The following PCDH15 variants were observed in gnomAD, a reference collection of about 807,000 sequenced individuals.
PCDH15 encodes protocadherin-15.
PCDH15 carries 129 observed loss-of-function variants against 178.5 expected under a neutral mutation model. The ratio of observed to expected loss-of-function variants is 0.72; its 90% CI spans 0.63 to 0.84. PCDH15 has a LOEUF of 0.84. Among genes scored for constraint, PCDH15 ranks in the 40% least tolerant of loss-of-function variants. The pLI, the probability that PCDH15 is intolerant of heterozygous loss-of-function variation, is 0.00. For synonymous variants in PCDH15, 800 were observed against 732.0 expected, an observed-to-expected ratio of 1.09 and a Z score of -1.50; for missense variants, 2,230 against 2,099.9, an observed-to-expected ratio of 1.06 and a Z score of -1.21.
At position 54,277,174 on chromosome 10, in the gene PCDH15, T is replaced by C. The variant is rs111541809; in HGVS notation, c.876+40097A>G. ...AGTGGAAGATTTAAGTTAAATAACC[T>C]TCAGGAAAAAAGGCCTTAAACTGTT... On this transcript the variant is annotated intron_variant, in intron 8 of 37. Coordinates refer to ENST00000644397, the MANE Select transcript of PCDH15 (RefSeq NM_001384140.1). Among the ~76,000 whole-genome samples the C allele has an allele frequency of 6.6e-3, 994 of 151,630 alleles. 12 individuals carry two copies. The highest frequency in any genetic ancestry group is 0.023 in the African/African-American group (939 of 41,466).
chr10:54,599,943 G>A, intron 2 of PCDH15: 3 of 922,942 alleles, frequency 3.3e-6, no homozygotes, highest in South Asian at 1.4e-5. Flanking sequence ...AGGAGTTGGT[G>A]GCAGACACCA....
At chr10:54,776,194 T>C (rs965190461) in intron 1 of PCDH15, among the ~76,000 whole-genome samples, 9 of 152,190 alleles carry the variant, frequency 5.9e-5, no homozygotes, top group Non-Finnish European at 1.2e-4. Flanking sequence ...TTAGGTTGAT[T>C]CCATACCATG....
chr10:54,959,601 A>G (rs1287093992), intron 2 of PCDH15, among the ~76,000 whole-genome samples: 9 of 152,064 alleles, frequency 5.9e-5, no homozygotes, highest in Admixed American at 5.2e-4. Context: ...TAGTGAGACA[A>G]CATGATATTA....
At chr10:55,060,339 T>C (rs2131998288) in intron 2 of PCDH15, among the ~76,000 whole-genome samples, 1 of 152,218 alleles carries the variant, frequency 6.6e-6, no homozygotes, top group East Asian at 1.9e-4. Context: ...TGGTTTATAA[T>C]ATTAGGAAGG....
chr10:53,863,184 G>C (rs1468937358), intron 27 of PCDH15, among the ~76,000 whole-genome samples: 2 of 152,194 alleles, frequency 1.3e-5, no homozygotes, highest in Non-Finnish European at 2.9e-5. Context: ...CTTTTACTAT[G>C]TAGATGATAT....
At chr10:54,698,762 T>C (rs2095268436) in intron 1 of PCDH15, among the ~76,000 whole-genome samples, 1 of 152,168 alleles carries the variant, frequency 6.6e-6, no homozygotes, top group South Asian at 2.1e-4. Flanking sequence ...TGGCACATGA[T>C]AGCCAACATT....
chr10:55,558,834 G>T (rs1842139412), intron 2 of PCDH15, among the ~76,000 whole-genome samples: 1 of 151,866 alleles, frequency 6.6e-6, no homozygotes, highest in South Asian at 2.1e-4. Flanking sequence ...TAGTCTTTTA[G>T]TATTGCCTAT....
intron 1 of PCDH15, among the ~76,000 whole-genome samples, chr10:55,202,853 G>GTGCT (rs1219512181): frequency 1.3e-5 from 2 of 152,108 alleles, no homozygotes; most frequent in East Asian, 3.9e-4. Flanking sequence ...TGTGAAGAAG[G>GTGCT]TGCTTGCTTT....
intron 13 of PCDH15, among the ~76,000 whole-genome samples, chr10:54,176,491 A>G (rs1564609774): frequency 6.6e-6 from 1 of 152,194 alleles, no homozygotes; most frequent in East Asian, 1.9e-4. Context: ...TAGTTACAGA[A>G]TAAGAAGAAT....
At chr10:54,926,884 T>C (rs1186542558) in intron 2 of PCDH15, among the ~76,000 whole-genome samples, 1 of 152,066 alleles carries the variant, frequency 6.6e-6, no homozygotes, top group Non-Finnish European at 1.5e-5. Context: ...TTATTAAATT[T>C]ACAAGAAAAT....
intron 2 of PCDH15, among the ~76,000 whole-genome samples, chr10:55,006,323 T>C (rs187048724): frequency 6.6e-6 from 1 of 152,260 alleles, no homozygotes; most frequent in Admixed American, 6.5e-5. Context: ...ATTTCCATGA[T>C]TTATTAAAAT....
At chr10:54,718,995 C>T (rs1420160392) in intron 1 of PCDH15, among the ~76,000 whole-genome samples, 4 of 151,812 alleles carry the variant, frequency 2.6e-5, no homozygotes, top group Non-Finnish European at 4.4e-5. Context: ...GCACCCGGTC[C>T]ACACTGATTC....
chr10:54,733,325 T>C (rs373623827), intron 1 of PCDH15, among the ~76,000 whole-genome samples: 85 of 151,718 alleles, frequency 5.6e-4, no homozygotes, highest in African/African-American at 1.9e-3. Flanking sequence ...CTCTGAATGT[T>C]AACAATGAAC....
At chr10:54,884,733 T>C (rs1045723595) in intron 3 of PCDH15, among the ~76,000 whole-genome samples, 2 of 152,026 alleles carry the variant, frequency 1.3e-5, no homozygotes, top group Non-Finnish European at 2.9e-5. Context: ...TTGAAATGTC[T>C]TGAAAGTAAT....
chr10:54,635,670 C>T (rs752696902), intron 2 of PCDH15, among the ~76,000 whole-genome samples: 34 of 151,504 alleles, frequency 2.2e-4, no homozygotes, highest in Admixed American at 4.6e-4. Flanking sequence ...CATCAGAAGC[C>T]TAAAATAAGA....
intron 3 of PCDH15, among the ~76,000 whole-genome samples, chr10:54,424,104 A>G (rs1955912351): frequency 3.3e-5 from 5 of 151,918 alleles, no homozygotes; most frequent in Admixed American, 2.0e-4. Flanking sequence ...AAAAGTTTGC[A>G]ATCTACTTAT....
intron 2 of PCDH15, among the ~76,000 whole-genome samples, chr10:55,052,686 A>G (rs1316224766): frequency 1.3e-5 from 2 of 151,826 alleles, no homozygotes; most frequent in Non-Finnish European, 2.9e-5. Flanking sequence ...ACTGCACTTC[A>G]GCCTGGGCCA....
intron 2 of PCDH15, among the ~76,000 whole-genome samples, chr10:55,407,674 G>T (rs1036034556): frequency 2.0e-5 from 3 of 152,126 alleles, no homozygotes; most frequent in African/African-American, 7.2e-5. Context: ...AACCTCCAAA[G>T]TGCATGCATA....
chr10:55,581,100 C>T (rs751867779), intron 2 of PCDH15, among the ~76,000 whole-genome samples: 21 of 152,070 alleles, frequency 1.4e-4, no homozygotes, highest in Non-Finnish European at 2.2e-4. Context: ...GTACATAATA[C>T]GCATTTTTGC....
Sources: allele counts gnomAD v4.1 joint callset (sites outside exome capture counted in the v4.1 genomes callset), GRCh38; gene constraint gnomAD v4.1.1; transcripts MANE v1.5; gene names NCBI Gene and HGNC (gene_info 2026-07-23, HGNC 2026-07-21).